Variants in CHN2 observed in about 807,000 individuals in gnomAD.
CHN2 encodes the protein chimerin 2, also known as beta-chimaerin.
CHN2 carries 35 observed loss-of-function variants against 56.3 expected under a neutral mutation model. The ratio of observed to expected loss-of-function variants is 0.62; its 90% CI spans 0.47 to 0.82. CHN2 has a LOEUF of 0.82. CHN2 is among the 40% of genes least tolerant of loss of function. CHN2 has a pLI of 0.00. For missense variants in CHN2, 491 were observed against 580.5 expected (o/e 0.85, Z 1.58); for synonymous variants, 210 against 212.8 (o/e 0.99, Z 0.12).
At chr7:29,263,081 C>T (rs34773257) in intron 1 of CHN2, among the ~76,000 whole-genome samples, 25,251 of 152,208 alleles carry the variant, frequency 0.17, 2,461 homozygotes, top group Non-Finnish European at 0.22. Flanking sequence ...GATGCCGAGC[C>T]GAGGCTGGAC....
At chr7:29,322,306 C>T (rs1795417758) in intron 1 of CHN2, among the ~76,000 whole-genome samples, 1 of 152,146 alleles carries the variant, frequency 6.6e-6, no homozygotes, top group African/African-American at 2.4e-5. Flanking sequence ...GTAGCAGGGG[C>T]AGTGTCCTGC....
chr7:29,472,680 G>GT (rs148509026), intron 6 of CHN2, among the ~76,000 whole-genome samples: 3,674 of 150,190 alleles, frequency 0.024, 148 homozygotes, highest in African/African-American at 0.083. Context: ...AAATGGGCAT[G>GT]TTTTTTTTTT....
intron 1 of CHN2, among the ~76,000 whole-genome samples, chr7:29,207,080 C>T (rs1034274768): frequency 6.6e-6 from 1 of 152,120 alleles, no homozygotes; most frequent in African/African-American, 2.4e-5. Context: ...GAATTGTTTG[C>T]TTTTAAACAG....
chr7:29,471,169 C>A (rs760994262), intron 6 of CHN2, among the ~76,000 whole-genome samples: 1 of 152,058 alleles, frequency 6.6e-6, no homozygotes, highest in African/African-American at 2.4e-5. Context: ...TTTTAAAGTT[C>A]GTATTTAAGG....
chr7:29,479,072 CT>C (rs536901925), intron 6 of CHN2, among the ~76,000 whole-genome samples: 295 of 152,262 alleles, frequency 1.9e-3, no homozygotes, highest in Middle Eastern at 3.4e-3. Flanking sequence ...ATTAATTTTA[CT>C]GTCTGGCATT....
intron 3 of CHN2, among the ~76,000 whole-genome samples, chr7:29,389,677 TG>T (rs1413338719): frequency 2.0e-5 from 3 of 152,188 alleles, no homozygotes; most frequent in South Asian, 4.1e-4. Flanking sequence ...GGGATATAAG[TG>T]GCATGTATTG....
chr7:29,232,161 G>C (rs539933199), intron 1 of CHN2, among the ~76,000 whole-genome samples: 1 of 152,234 alleles, frequency 6.6e-6, no homozygotes, highest in South Asian at 2.1e-4. Flanking sequence ...TGTAAACCTA[G>C]GACGTTTTAT....
intron 1 of CHN2, among the ~76,000 whole-genome samples, chr7:29,340,461 C>G (rs1390256430): frequency 3.9e-5 from 6 of 152,126 alleles, no homozygotes; most frequent in Non-Finnish European, 7.4e-5. Context: ...AGAGCAGGTC[C>G]AGGCTGAAGT....
At chr7:29,223,657 A>T (rs1200189450) in intron 1 of CHN2, among the ~76,000 whole-genome samples, 4 of 152,080 alleles carry the variant, frequency 2.6e-5, no homozygotes, top group Non-Finnish European at 5.9e-5. Flanking sequence ...AATTGTATAC[A>T]CTTAGTAATT....
intron 1 of CHN2, among the ~76,000 whole-genome samples, chr7:29,349,519 A>G (rs143772022): frequency 6.2e-4 from 95 of 152,294 alleles, no homozygotes; most frequent in African/African-American, 2.1e-3. Context: ...GACTAAATCT[A>G]TGATAATTAT....
intron 6 of CHN2, among the ~76,000 whole-genome samples, chr7:29,433,556 G>A (rs1271052441): frequency 6.6e-6 from 1 of 152,196 alleles, no homozygotes; most frequent in African/African-American, 2.4e-5. Flanking sequence ...ACCTTACAGG[G>A]CCGGGTGCAG....
intron 6 of CHN2, among the ~76,000 whole-genome samples, chr7:29,432,919 G>A (rs56342327): frequency 0.02 from 3,056 of 152,254 alleles, 97 homozygotes; most frequent in African/African-American, 0.069. Context: ...CTGACAACTG[G>A]GAGGCTGTAG....
At chr7:29,312,428 G>A (rs1167784663) in intron 1 of CHN2, among the ~76,000 whole-genome samples, 1 of 152,138 alleles carries the variant, frequency 6.6e-6, no homozygotes, top group Non-Finnish European at 1.5e-5. Flanking sequence ...TAGGTAAAAT[G>A]GAGAGGAATT....
chr7:29,290,460 A>G (rs1013055041), intron 1 of CHN2, among the ~76,000 whole-genome samples: 1 of 152,166 alleles, frequency 6.6e-6, no homozygotes, highest in African/African-American at 2.4e-5. Context: ...TCAGAGATTC[A>G]TGGAAGAAGA....
Position 29,485,033 on chromosome 7 carries a change from CTTAG to C in CHN2, c.654+4681_654+4684del, listed in dbSNP as rs561390878. Among the ~76,000 whole-genome samples, 740 of 152,198 alleles carry C rather than the reference CTTAG, an allele frequency of 4.9e-3. 9 individuals are homozygous for C. Among genetic ancestry groups the C allele is most frequent in the African/African-American group, 0.017 (700 of 41,524 alleles). Reference sequence around the variant, plus strand: ...ATTGCTCTGATAGAAAGTGGTGAAACTTAGTTATTCTTTGTCTCTTATCTTTACC... The same window carrying C: ...ATTGCTCTGATAGAAAGTGGTGAAACTTATTCTTTGTCTCTTATCTTTACC... On this transcript the variant is annotated intron_variant, in intron 7 of 12. Coordinates refer to ENST00000222792, the MANE Select transcript of CHN2 (RefSeq NM_004067.4).
At chr7:29,489,334 G>A (rs1788393580) in intron 7 of CHN2, among the ~76,000 whole-genome samples, 1 of 152,122 alleles carries the variant, frequency 6.6e-6, no homozygotes, top group Non-Finnish European at 1.5e-5. Flanking sequence ...TTCCTGTCTA[G>A]AATATTTTAG....
chr7:29,180,687 T>C (rs992972710), intron 2 of CHN2, among the ~76,000 whole-genome samples: 11 of 152,198 alleles, frequency 7.2e-5, no homozygotes, highest in African/African-American at 2.7e-4. Context: ...TAAAGAGTTA[T>C]TACAAACTAA....
At chr7:29,233,718 A>G (rs186657144) in intron 1 of CHN2, among the ~76,000 whole-genome samples, 18 of 152,132 alleles carry the variant, frequency 1.2e-4, no homozygotes, top group African/African-American at 4.1e-4. Flanking sequence ...TGAAGATGCA[A>G]GGAGACCACC....
intron 1 of CHN2, among the ~76,000 whole-genome samples, chr7:29,347,223 A>C (rs747719209): frequency 6.6e-6 from 1 of 152,148 alleles, no homozygotes; most frequent in Non-Finnish European, 1.5e-5. Context: ...CTTATTTTGA[A>C]GGCCATTTTA....
Sources: allele counts gnomAD v4.1 joint callset (sites outside exome capture counted in the v4.1 genomes callset), GRCh38; gene constraint gnomAD v4.1.1; transcripts MANE v1.5; gene names NCBI Gene and HGNC (gene_info 2026-07-23, HGNC 2026-07-21).